The following SLC4A4 variants were observed in gnomAD, a reference collection of about 807,000 sequenced individuals.
The protein encoded by SLC4A4 is electrogenic sodium bicarbonate cotransporter 1.
A neutral mutation model predicts 111.5 loss-of-function variants in SLC4A4; 27 were observed. The observed-to-expected ratio is 0.24, with a 90% CI of 0.18 to 0.33. SLC4A4 has a LOEUF of 0.33. Ranked by LOEUF, SLC4A4 falls within the 10% of genes least tolerant of loss-of-function variation. SLC4A4 has a pLI of 1.00. For synonymous variants in SLC4A4, 443 were observed against 463.4 expected, an observed-to-expected ratio of 0.96 and a Z score of 0.57; for missense variants, 909 against 1,315.5, an observed-to-expected ratio of 0.69 and a Z score of 4.78.
intron 1 of SLC4A4, among the ~76,000 whole-genome samples, chr4:71,218,545 A>C (rs1158725782): frequency 6.6e-6 from 1 of 152,214 alleles, no homozygotes; most frequent in African/African-American, 2.4e-5. Flanking sequence ...AAATCCGTAC[A>C]AATCTATTTC....
intron 23 of SLC4A4, among the ~76,000 whole-genome samples, chr4:71,561,582 G>C (rs899238134): frequency 4.6e-5 from 7 of 151,734 alleles, no homozygotes; most frequent in African/African-American, 1.4e-4. Context: ...TAATGCATGA[G>C]GCACATTTAG....
intron 12 of SLC4A4, among the ~76,000 whole-genome samples, chr4:71,459,859 G>A (rs573124510): frequency 6.6e-5 from 10 of 151,998 alleles, no homozygotes; most frequent in South Asian, 2.1e-4. Context: ...ATTTTTTGTC[G>A]TTCTGTGGGT....
chr4:71,566,551 T>C (rs1560629048), intron 24 of SLC4A4, among the ~76,000 whole-genome samples: 1 of 151,832 alleles, frequency 6.6e-6, no homozygotes, highest in Non-Finnish European at 1.5e-5. Flanking sequence ...CTGAAATGTT[T>C]CCTAATGTCA....
rs140341677 is a variant in SLC4A4 at position 71,234,597 on chromosome 4, G to C, written c.-1-1979G>C. Among the ~76,000 whole-genome samples the C allele has an allele frequency of 8.6e-3, 1,311 of 152,216 alleles. 8 individuals are homozygous for C. The highest frequency in any genetic ancestry group is 0.024 in the Middle Eastern group (7 of 292). ...TGTGCCACCGTGCCTGCTAATTTTT[G>C]TATTTTTAGTGGAGACGGGGTTTCA... On this transcript the variant is annotated intron_variant, in intron 1 of 25. Coordinates refer to ENST00000264485, the MANE Select transcript of SLC4A4 (RefSeq NM_001098484.3).
intron 22 of SLC4A4, among the ~76,000 whole-genome samples, chr4:71,558,175 CTG>C (rs1480854945): frequency 1.3e-5 from 2 of 151,876 alleles, no homozygotes; most frequent in African/African-American, 4.8e-5. Context: ...TGTTGTTTTT[CTG>C]AGCATCAAAA....
intron 16 of SLC4A4, among the ~76,000 whole-genome samples, chr4:71,504,364 A>G (rs1731201344): frequency 6.6e-6 from 1 of 152,024 alleles, no homozygotes; most frequent in Non-Finnish European, 1.5e-5. Flanking sequence ...AGATGACTTC[A>G]AGTTCAGGAA....
chr4:71,361,354 T>C (rs749849520), intron 6 of SLC4A4, among the ~76,000 whole-genome samples: 1 of 152,210 alleles, frequency 6.6e-6, no homozygotes, highest in African/African-American at 2.4e-5. Context: ...AAGACGATTT[T>C]ATGTTTTTAA....
At chr4:71,426,823 T>G (rs1301682463) in intron 7 of SLC4A4, among the ~76,000 whole-genome samples, 1 of 152,104 alleles carries the variant, frequency 6.6e-6, no homozygotes, top group Non-Finnish European at 1.5e-5. Flanking sequence ...ATAGCTTGGG[T>G]GTGGTGTGTA....
chr4:71,422,903 A>G (rs1225751103), intron 7 of SLC4A4, among the ~76,000 whole-genome samples: 2 of 152,202 alleles, frequency 1.3e-5, no homozygotes, highest in African/African-American at 2.4e-5. Flanking sequence ...CAGAAACTGG[A>G]AGCATTCCCT....
At chr4:71,218,943 A>G (rs1372691635) in intron 1 of SLC4A4, among the ~76,000 whole-genome samples, 2 of 152,134 alleles carry the variant, frequency 1.3e-5, no homozygotes, top group African/African-American at 2.4e-5. Context: ...TGTCACTGGG[A>G]ACATCCTTCT....
chr4:71,064,599 A>C (rs777528018), intron 1 of SLC4A4, among the ~76,000 whole-genome samples: 1 of 152,224 alleles, frequency 6.6e-6, no homozygotes, highest in Admixed American at 6.5e-5. Context: ...TGCAGATGGA[A>C]GGAAGGCCAT....
At chr4:71,285,916 A>T (rs950187135) in intron 3 of SLC4A4, among the ~76,000 whole-genome samples, 2 of 152,154 alleles carry the variant, frequency 1.3e-5, no homozygotes, top group African/African-American at 4.8e-5. Flanking sequence ...TTAAATGAGC[A>T]TTGGAATCAC....
chr4:71,107,967 C>T (rs1742990587), intron 2 of SLC4A4, among the ~76,000 whole-genome samples: 1 of 152,088 alleles, frequency 6.6e-6, no homozygotes, highest in Admixed American at 6.5e-5. Flanking sequence ...TTGTGGTTAC[C>T]ATGGGTGTTA....
intron 7 of SLC4A4, among the ~76,000 whole-genome samples, chr4:71,415,918 C>T (rs1721785188): frequency 6.6e-6 from 1 of 152,168 alleles, no homozygotes; most frequent in Non-Finnish European, 1.5e-5. Flanking sequence ...CAAAGATCAC[C>T]TCATTTACTC....
At chr4:71,236,476 A>G in intron 1 of SLC4A4, 100 bp from the exon 2 acceptor site, 1 of 1,072,988 alleles carries the variant, frequency 9.3e-7, no homozygotes. Flanking sequence ...GCTAACATGA[A>G]CAACAGCTTG....
chr4:71,106,149 G>A (rs1338104351), intron 2 of SLC4A4, among the ~76,000 whole-genome samples: 1 of 151,844 alleles, frequency 6.6e-6, no homozygotes, highest in African/African-American at 2.4e-5. Context: ...AGACATTTAT[G>A]CAGTCAAAAA....
At chr4:71,264,073 T>A (rs189208738) in intron 3 of SLC4A4, among the ~76,000 whole-genome samples, 1 of 152,250 alleles carries the variant, frequency 6.6e-6, no homozygotes, top group East Asian at 1.9e-4. Flanking sequence ...GAGTTTTTTT[T>A]ACATGGAGAA....
chr4:71,447,499 G>A, intron 8 of SLC4A4, 147 bp from the exon 9 acceptor site: 1 of 688,008 alleles, frequency 1.5e-6, no homozygotes, highest in Non-Finnish European at 2.7e-6. Context: ...AGTATATTCT[G>A]TACTACCAAT....
chr4:71,415,420 A>G (rs1214425059), intron 7 of SLC4A4, among the ~76,000 whole-genome samples: 1 of 152,136 alleles, frequency 6.6e-6, no homozygotes. Context: ...TATCTACTAT[A>G]CTATTTCAGG....
Sources: gnomAD v4.1 joint callset for allele counts (sites outside exome capture counted in the v4.1 genomes callset) on GRCh38, gnomAD v4.1.1 for gene constraint, MANE v1.5 for transcripts, NCBI Gene and HGNC (gene_info 2026-07-23, HGNC 2026-07-21) for gene names.